CIITA: variants seen among roughly 807,000 people sequenced by gnomAD.
CIITA encodes MHC class II transactivator.
In CIITA, 72 loss-of-function variants were observed where a neutral mutation model predicts 115.1. That is an observed-to-expected ratio of 0.63 (90% confidence interval 0.52 to 0.76). The LOEUF is 0.76. Ranked by LOEUF, CIITA falls within the 30% of genes least tolerant of loss-of-function variation. The probability of loss-of-function intolerance (pLI) is 0.00; values close to 1 mark genes in which losing one functional copy is unlikely to be tolerated. For synonymous variants in CIITA, 763 were observed against 635.6 expected (o/e 1.20, Z -3.02); for missense variants, 1,617 against 1,463.8 (o/e 1.10, Z -1.71).
At position 10,941,585 on chromosome 16, in the gene CIITA, G is replaced by A; in HGVS notation, n.711G>A. On this transcript the variant is annotated non_coding_transcript_exon_variant, in exon 2 of 2. Coordinates refer to the CIITA transcript ENST00000573379. This position sits in a 1 kb window ranked among gnomAD's most constrained non-coding sequence, Gnocchi z 6.4. Reference sequence around the variant, plus strand: ...GGCACTTACAGGCCTCGGAGGCAGGGGAGGGTCTCCTCCTGGGGAACCATC... The same window carrying A: ...GGCACTTACAGGCCTCGGAGGCAGGAGAGGGTCTCCTCCTGGGGAACCATC... 1 of 1,465,804 alleles carries A rather than the reference G, an allele frequency of 6.8e-7. No homozygotes were observed. The highest frequency in any genetic ancestry group is 9.0e-7 in the Non-Finnish European group (1 of 1,108,626). 90.8% of individuals were successfully genotyped at this position (1,465,804 alleles called of 1,614,324 possible).
intron 1 of CIITA, among the ~76,000 whole-genome samples, chr16:10,885,019 C>T (rs1214590991): frequency 6.6e-6 from 1 of 152,096 alleles, no homozygotes; most frequent in Non-Finnish European, 1.5e-5. Context: ...AATCCAAATA[C>T]CAAAGGGGCC....
At chr16:10,916,668 G>C (rs2039970389) in intron 15 of CIITA, 6 of 595,828 alleles carry the variant, frequency 1.0e-5, no homozygotes, top group Non-Finnish European at 1.8e-5. Context: ...TGGGATTATA[G>C]GTGTGACTTA....
intron 13 of CIITA, among the ~76,000 whole-genome samples, chr16:10,913,141 C>T (rs2039694517): frequency 6.6e-6 from 1 of 152,246 alleles, no homozygotes. Flanking sequence ...GGCCTTTGCA[C>T]CGGCTGTGCC....
chr16:10,895,146 A>G (rs28685706), intron 1 of CIITA, 136 bp from the exon 2 acceptor site: 63,722 of 961,458 alleles, frequency 0.066, 2,781 homozygotes, highest in African/African-American at 0.18. Context: ...CGCTGAGCAT[A>G]TAAGAGGTGC....
chr16:10,885,637 T>A (rs2036871114), intron 1 of CIITA, among the ~76,000 whole-genome samples: 1 of 152,150 alleles, frequency 6.6e-6, no homozygotes, highest in Non-Finnish European at 1.5e-5. Flanking sequence ...TTCCTCTACA[T>A]CCAGCTCCTC....
At chr16:10,919,376 T>C (rs1297205285) in intron 16 of CIITA, among the ~76,000 whole-genome samples, 1 of 152,134 alleles carries the variant, frequency 6.6e-6, no homozygotes, top group Admixed American at 6.5e-5. Flanking sequence ...TTTATATTTT[T>C]AGTAGAGACA....
At chr16:10,943,010 C>A (rs530649244) in exon 2 of CIITA, 1 of 152,360 alleles carries the variant, frequency 6.6e-6, no homozygotes, top group African/African-American at 2.4e-5. Flanking sequence ...TAGTTCAGAT[C>A]TTCAACCATA....
rs2040365299 is a variant in CIITA, at chr16:10,923,141, A to G, written c.3318-87A>G. ...GTCCCCAACGTTCTAGGCTGGGTGG[A>G]AGGAGGGATTTGGGGGCAGCTGTCA... On this transcript the variant is annotated intron_variant, in intron 18 of 19. Transcript: ENST00000324288. This position sits in a 1 kb window ranked among gnomAD's most constrained non-coding sequence, Gnocchi z 5.2. 1.8e-6 allele frequency: 2 copies of G among 1,098,924 alleles called. No individual in the cohort carries two copies. Among genetic ancestry groups the G allele is most frequent in the East Asian group, 2.3e-5 (1 of 42,594 alleles). 68.1% of individuals were successfully genotyped at this position (1,098,924 alleles called of 1,614,324 possible).
Position 10,903,782 on chromosome 16 carries a change from A to T in CIITA, c.824A>T (p.His275Leu). 4 of 1,614,032 alleles carry T rather than the reference A, an allele frequency of 2.5e-6. No individual in the cohort carries two copies. The highest frequency in any genetic ancestry group is 3.4e-6 in the Non-Finnish European group (4 of 1,180,004). The change falls in exon 9 of 20, where the codon CAC becomes CTC. Residue 275 changes from histidine (H) to leucine (L), a missense_variant. His to Leu is a moderately conservative substitution (Grantham distance 99). Transcript: ENST00000324288. ...CCCCCTCCCAGTGGATTCACTGTCC[A>T]CGGCCTCCCAACATCTCCAGACCGG... is the stretch of plus-strand genomic sequence containing the variant. ...QVPPPSGFTV[H>L]GLPTSPDRPG...
intron 1 of CIITA, among the ~76,000 whole-genome samples, chr16:10,878,479 AAC>A (rs2036061222): frequency 1.3e-5 from 2 of 152,180 alleles, no homozygotes; most frequent in African/African-American, 2.4e-5. Flanking sequence ...TGGTCATGGT[AAC>A]ACAGGTTTTC....
chr16:10,921,684 T>A (rs1451134184), intron 16 of CIITA, among the ~76,000 whole-genome samples: 1 of 152,218 alleles, frequency 6.6e-6, no homozygotes, highest in African/African-American at 2.4e-5. Context: ...TCTGACAGTT[T>A]CCACACAGTA....
intron 1 of CIITA, among the ~76,000 whole-genome samples, chr16:10,870,067 A>C (rs2035371817): frequency 1.7e-5 from 2 of 116,572 alleles, no homozygotes; most frequent in South Asian, 5.7e-4. Context: ...TTTACCAATG[A>C]GTAAACTGAG....
chr16:10,908,344 A>C, intron 11 of CIITA, 195 bp downstream of exon 11: 1 of 721,494 alleles, frequency 1.4e-6, no homozygotes. Flanking sequence ...AGCAAGTGAG[A>C]GGCAATGGCA....
At chr16:10,875,468 G>A (rs1486192266), upstream of CIITA, among the ~76,000 whole-genome samples, 1 of 152,058 alleles carries the variant, frequency 6.6e-6, no homozygotes, top group African/African-American at 2.4e-5. Context: ...ACCACAGAGA[G>A]GAAGTAAAGA....
At chr16:10,893,859 A>G (rs1401828977) in intron 1 of CIITA, among the ~76,000 whole-genome samples, 1 of 141,330 alleles carries the variant, frequency 7.1e-6, no homozygotes, top group Non-Finnish European at 1.5e-5. Context: ...TCTTTTGGGA[A>G]TACTCAGAGA....
Position 10,906,351 on chromosome 16 carries a change from C to A in CIITA, c.1007-148C>A, listed in dbSNP as rs866339298. The A allele has an allele frequency of 1.3e-5, 13 of 1,017,956 alleles. No homozygotes were observed. In the Middle Eastern group the frequency reaches 9.0e-4, roughly 71 times the overall value. The allele number at this position is 1,017,956 out of a possible 1,614,324, so 63.1% of individuals were successfully genotyped here. ...TTCCAGCCTGGGCAAAAAAGCCAGA[C>A]CCTGTCTCAAAACAAAACAAAACAA... On this transcript the variant is annotated intron_variant, in intron 10 of 19. Transcript: ENST00000324288.
rs770914330 is a variant in CIITA, at chr16:10,941,725, A to C, written n.851A>C. ...GGAACAGCAGTCGAGACCCTACTCC[A>C]AGTACGCATCAAAGACGTCGAGCTC... On this transcript the variant is annotated non_coding_transcript_exon_variant, in exon 2 of 2. Coordinates refer to the CIITA transcript ENST00000573379. The surrounding 1 kb of genome is among the most constrained non-coding windows in gnomAD (Gnocchi z 6.4). The C allele has an allele frequency of 6.2e-7, 1 of 1,609,042 alleles. No individual in the cohort carries two copies. Among genetic ancestry groups the C allele is most frequent in the Non-Finnish European group, 8.5e-7 (1 of 1,177,416 alleles).
At chr16:10,910,999 T>C (rs1036355413) in intron 13 of CIITA, among the ~76,000 whole-genome samples, 7 of 146,840 alleles carry the variant, frequency 4.8e-5, no homozygotes. Flanking sequence ...ACTGGGACAG[T>C]TGGTTGCTCT....
Position 10,930,883 on chromosome 16 carries a change from C to G in CIITA, c.*7028C>G, listed in dbSNP as rs1414656903. ...AATGTCTCTCCATAGCTGCCCTCCA[C>G]CAGCCTGCTCCTGAGACACCTGCTG... is the stretch of plus-strand genomic sequence containing the variant. On this transcript the variant is annotated 3_prime_UTR_variant, in exon 20 of 20. Transcript: ENST00000324288. 3 of 152,312 alleles carry G rather than the reference C, an allele frequency of 2.0e-5. No individual in the cohort carries two copies. Among genetic ancestry groups the G allele is most frequent in the Non-Finnish European group, 4.4e-5 (3 of 68,110 alleles). 9.4% of individuals were successfully genotyped at this position (152,312 alleles called of 1,614,324 possible).
Sources: allele counts gnomAD v4.1 joint callset (sites outside exome capture counted in the v4.1 genomes callset), GRCh38; gene constraint gnomAD v4.1.1; non-coding constraint Gnocchi (gnomAD v3.1); transcripts MANE v1.5; gene names NCBI Gene and HGNC (gene_info 2026-07-23, HGNC 2026-07-21).